The following APOBEC3D variants were observed in gnomAD, a reference collection of about 807,000 sequenced individuals.
APOBEC3D encodes DNA dC->dU-editing enzyme APOBEC-3D.
In APOBEC3D, 37 loss-of-function variants were observed where a neutral mutation model predicts 45.6. The ratio of observed to expected loss-of-function variants is 0.81; its 90% CI spans 0.62 to 1.07. The LOEUF (loss-of-function observed/expected upper bound fraction) is 1.07. Ranked by LOEUF, APOBEC3D falls within the 50% of genes least tolerant of loss-of-function variation. The pLI is 0.00. For missense variants in APOBEC3D, 496 were observed against 495.3 expected, an observed-to-expected ratio of 1.00 and a Z score of -0.01; for synonymous variants, 175 against 180.7, an observed-to-expected ratio of 0.97 and a Z score of 0.25.
intron 4 of APOBEC3D, among the ~76,000 whole-genome samples, chr22:39,026,452 T>A (rs573660623): frequency 2.6e-5 from 4 of 152,316 alleles, no homozygotes; most frequent in Admixed American, 2.0e-4. Context: ...GGAGGTGGGG[T>A]TGAGGGCTTC....
At position 39,031,833 on chromosome 22, in the gene APOBEC3D, C is replaced by T. The variant is rs1241884019; in HGVS notation, c.902C>T (p.Ala301Val). 2 of 1,614,024 alleles carry T rather than the reference C, an allele frequency of 1.2e-6. No homozygotes were observed. Among genetic ancestry groups the T allele is most frequent in the Admixed American group, 3.3e-5 (2 of 59,998 alleles). ...TGCCCAGAGTGTGCAGGGGAGGTGG[C>T]CGAGTTCCTGGCCAGGCACAGCAAC... is the stretch of plus-strand genomic sequence containing the variant. ...SPCPECAGEVAEFLARHSNVN... is the reference protein window; with the variant it reads ...SPCPECAGEVVEFLARHSNVN... The change falls in exon 6 of 7, where the codon GCC (alanine) becomes GTC (valine). Residue 301 changes from alanine to valine, a missense_variant. Ala to Val is a moderately conservative substitution (Grantham distance 64). Transcript: ENST00000216099.
intron 4 of APOBEC3D, among the ~76,000 whole-genome samples, 151 bp from the exon 5 acceptor site, chr22:39,029,211 TC>T (rs1441059903): frequency 6.6e-6 from 1 of 152,098 alleles, no homozygotes; most frequent in Non-Finnish European, 1.5e-5. Flanking sequence ...TCTTTCTCTC[TC>T]CCAGTCTTCC....
Position 39,025,270 on chromosome 22 carries a change from C to G in APOBEC3D, c.411C>G (p.Tyr137Ter). 1 of 1,614,166 alleles carries G rather than the reference C, an allele frequency of 6.2e-7. No individual in the cohort carries two copies. The highest frequency in any genetic ancestry group is 8.5e-7 in the Non-Finnish European group (1 of 1,180,020). ...CCATCTCTGCCGCCCGCCTCTACTA[C>G]TACCGGGATAGAGATTGGCGGTGGG... is the stretch of plus-strand genomic sequence containing the variant. ...TLTISAARLYYYRDRDWRWVL... is the reference protein window; with the variant it reads ...TLTISAARLY The change falls in exon 3 of 7, where the codon TAC (tyrosine) becomes TAG (stop). Residue 137 changes from tyrosine (Y) to a stop codon, truncating the protein, a stop_gained. Transcript: ENST00000216099. LOFTEE classifies it high-confidence loss of function.
At chr22:39,025,427 G>A in intron 3 of APOBEC3D, 78 bp downstream of exon 3, 1 of 1,613,020 alleles carries the variant, frequency 6.2e-7, no homozygotes, top group Non-Finnish European at 8.5e-7. Context: ...TGCCATGGCT[G>A]GGGGTGTTCC....
intron 5 of APOBEC3D, among the ~76,000 whole-genome samples, chr22:39,030,163 C>G (rs1926069944): frequency 6.7e-6 from 1 of 149,904 alleles, no homozygotes; most frequent in Non-Finnish European, 1.5e-5. Context: ...GGTGGGGCCG[C>G]CCCCGCCACT....
In APOBEC3D at chr22:39,029,536, A is replaced by G; in HGVS notation, c.762+17A>G. On this transcript the variant is annotated intron_variant, in intron 5 of 6. Coordinates refer to ENST00000216099, the MANE Select transcript of APOBEC3D (RefSeq NM_152426.4). ...CGAAACCAGGTAGCACCAAAGTCCT[A>G]TTTACACCCTAAATAGGAGCTAAGC... The G allele has an allele frequency of 1.9e-6, 3 of 1,613,938 alleles. No individual in the cohort carries two copies. The highest frequency in any genetic ancestry group is 1.7e-6 in the Non-Finnish European group (2 of 1,179,918).
intron 4 of APOBEC3D, among the ~76,000 whole-genome samples, chr22:39,027,909 T>G (rs1249248719): frequency 6.6e-6 from 1 of 152,150 alleles, no homozygotes; most frequent in Non-Finnish European, 1.5e-5. Flanking sequence ...GGGCTGGTGC[T>G]CCCCGCCTTG....
At chr22:39,031,321 A>G (rs975709051) in intron 5 of APOBEC3D, among the ~76,000 whole-genome samples, 1 of 152,218 alleles carries the variant, frequency 6.6e-6, no homozygotes, top group South Asian at 2.1e-4. Flanking sequence ...TAGTCCTAGA[A>G]ATTTGGTAGG....
chr22:39,026,210 G>A (rs1173277411), intron 4 of APOBEC3D, among the ~76,000 whole-genome samples: 3 of 152,142 alleles, frequency 2.0e-5, no homozygotes, highest in Non-Finnish European at 4.4e-5. Flanking sequence ...GTGGAGGGGT[G>A]GGTGGGGTTG....
Position 39,031,681 on chromosome 22 carries a change from C to T in APOBEC3D, c.763-13C>T, listed in dbSNP as rs1569061056. ...TCTGAGCTCCCCCTGCCCTCCTCCT[C>T]CTCCTTCCCCAGGTGGATCCTGAGA... On this transcript the variant is annotated splice_polypyrimidine_tract_variant and intron_variant, in intron 5 of 6. Transcript: ENST00000216099. 3 of 1,610,866 alleles carry T rather than the reference C, an allele frequency of 1.9e-6. No individual in the cohort carries two copies. The highest frequency in any genetic ancestry group is 2.5e-6 in the Non-Finnish European group (3 of 1,177,392).
In APOBEC3D at chr22:39,022,516, C is replaced by G. The variant is rs1223982277; in HGVS notation, c.18-306C>G. 2.6e-5 allele frequency among the ~76,000 whole-genome samples: 4 copies of G among 152,180 alleles called. No individual in the cohort carries two copies. In the South Asian group the frequency reaches 8.3e-4, roughly 31 times the overall value. ...TCTTTTAAGGGTGAAGAGTTTTATT[C>G]TCTTTTGCATTTTCCTAATGGGTTG... On this transcript the variant is annotated intron_variant, in intron 1 of 6. Coordinates refer to ENST00000216099, the MANE Select transcript of APOBEC3D (RefSeq NM_152426.4).
In APOBEC3D at chr22:39,025,080, G is replaced by C. The variant is rs765992781; in HGVS notation, c.221G>C (p.Arg74Pro). ...CTGCTCCTCTCCCAGGTGTATTTCC[G>C]GTTTGAGAACCACGCAGAAATGTGC... ...QSNHRQEVYFRFENHAEMCFL... is the reference protein window; with the variant it reads ...QSNHRQEVYFPFENHAEMCFL... The change falls in exon 3 of 7, where the codon CGG becomes CCG. Residue 74 changes from arginine to proline, a missense_variant. Coordinates refer to ENST00000216099, the MANE Select transcript of APOBEC3D (RefSeq NM_152426.4). 1.4e-6 allele frequency: 2 copies of C among 1,479,844 alleles called. No individual in the cohort carries two copies. Among genetic ancestry groups the C allele is most frequent in the South Asian group, 2.4e-5 (2 of 84,642 alleles). The allele number at this position is 1,479,844 out of a possible 1,614,324, so 91.7% of individuals were successfully genotyped here. A position where few individuals can be genotyped will look rare whatever the true frequency, so the allele number is the denominator to read the frequency against.
chr22:39,023,747 C>A (rs530852288), intron 2 of APOBEC3D, among the ~76,000 whole-genome samples: 150 of 152,242 alleles, frequency 9.9e-4, no homozygotes, highest in African/African-American at 3.5e-3. Context: ...CTGCGCCTGG[C>A]CTCCACTTCC....
At chr22:39,029,620 A>G in intron 5 of APOBEC3D, 101 bp downstream of exon 5, 1 of 1,356,658 alleles carries the variant, frequency 7.4e-7, no homozygotes, top group South Asian at 1.4e-5. Flanking sequence ...TGCTATGTGT[A>G]CTTTCCTCTT....
intron 5 of APOBEC3D, among the ~76,000 whole-genome samples, chr22:39,030,240 G>A (rs1007128739): frequency 1.3e-4 from 19 of 146,424 alleles, no homozygotes; most frequent in South Asian, 2.2e-4. Flanking sequence ...TCACCCTGCC[G>A]CCCCCACAGC....
intron 4 of APOBEC3D, among the ~76,000 whole-genome samples, chr22:39,025,983 C>T (rs1925622887): frequency 6.6e-6 from 1 of 152,178 alleles, no homozygotes; most frequent in Admixed American, 6.5e-5. Flanking sequence ...CCGAATTTGT[C>T]ATAAAACTGG....
At chr22:39,025,485 A>G (rs377283514) in intron 3 of APOBEC3D, 72 bp from the exon 4 acceptor site, 12 of 1,613,962 alleles carry the variant, frequency 7.4e-6, no homozygotes, top group Non-Finnish European at 1.0e-5. Flanking sequence ...ACTGACAGCC[A>G]GGAGACCAGG....
At chr22:39,026,731 A>T (rs112762354) in intron 4 of APOBEC3D, among the ~76,000 whole-genome samples, 289 of 151,422 alleles carry the variant, frequency 1.9e-3, no homozygotes, top group African/African-American at 6.0e-3. Flanking sequence ...TCAGTGATCA[A>T]GGTCCCATTT....
Position 39,025,276 on chromosome 22 carries a change from G to A in APOBEC3D, c.417G>A (p.Arg139=), listed in dbSNP as rs753061302. ...TISAARLYYY[R]DRDWRWVLLR... Reference sequence around the variant, plus strand: ...CTGCCGCCCGCCTCTACTACTACCGGGATAGAGATTGGCGGTGGGTGCTCC... The same window carrying A: ...CTGCCGCCCGCCTCTACTACTACCGAGATAGAGATTGGCGGTGGGTGCTCC... The change falls in exon 3 of 7, where the codon CGG becomes CGA. Residue 139 remains arginine, a synonymous_variant. Coordinates refer to ENST00000216099, the MANE Select transcript of APOBEC3D (RefSeq NM_152426.4). The A allele has an allele frequency of 3.1e-6, 5 of 1,613,976 alleles. No homozygotes were observed. Among genetic ancestry groups the A allele is most frequent in the Non-Finnish European group, 4.2e-6 (5 of 1,180,016 alleles).
Sources: allele counts gnomAD v4.1 joint callset (sites outside exome capture counted in the v4.1 genomes callset), GRCh38; gene constraint gnomAD v4.1.1; transcripts MANE v1.5; gene names NCBI Gene and HGNC (gene_info 2026-07-23, HGNC 2026-07-21).